SYT14: variants seen among roughly 807,000 people sequenced by gnomAD.
The protein encoded by SYT14 is synaptotagmin 14.
In SYT14, 32 loss-of-function variants were observed where a neutral mutation model predicts 74.2. That is an observed-to-expected ratio of 0.43 (90% CI 0.33 to 0.58). The LOEUF is 0.58. Ranked by LOEUF, SYT14 falls within the 20% of genes least tolerant of loss-of-function variation. The probability of loss-of-function intolerance (pLI) is 0.05; values close to 1 mark genes in which losing one functional copy is unlikely to be tolerated. For missense variants in SYT14, 791 were observed against 981.8 expected, an observed-to-expected ratio of 0.81 and a Z score of 2.60; for synonymous variants, 298 against 337.7, an observed-to-expected ratio of 0.88 and a Z score of 1.29.
intron 7 of SYT14, among the ~76,000 whole-genome samples, chr1:210,101,605 A>G (rs1265509768): frequency 6.6e-6 from 1 of 151,708 alleles, no homozygotes. Context: ...ATCCTTTTAA[A>G]TTTTCAGAAT....
intron 8 of SYT14, among the ~76,000 whole-genome samples, chr1:210,158,060 C>T (rs1404332533): frequency 6.6e-6 from 1 of 152,136 alleles, no homozygotes; most frequent in Admixed American, 6.5e-5. Context: ...ATGTCTCTCA[C>T]AGGGCAAGTG....
intron 5 of SYT14, among the ~76,000 whole-genome samples, chr1:210,025,466 A>G (rs1284697576): frequency 2.6e-5 from 4 of 152,230 alleles, no homozygotes; most frequent in Admixed American, 2.6e-4. Context: ...ACAAGGTAGA[A>G]GGAAAAATAT....
At chr1:210,027,277 T>C (rs991140491) in intron 5 of SYT14, among the ~76,000 whole-genome samples, 4 of 152,102 alleles carry the variant, frequency 2.6e-5, no homozygotes. Context: ...TAGCCGAGCC[T>C]AGTGGCCCAT....
At chr1:210,090,331 A>G (rs969995799) in intron 5 of SYT14, among the ~76,000 whole-genome samples, 1 of 152,004 alleles carries the variant, frequency 6.6e-6, no homozygotes, top group Admixed American at 6.6e-5. Context: ...TTAATTGCTC[A>G]GCATATAATC....
intron 5 of SYT14, among the ~76,000 whole-genome samples, chr1:210,044,755 A>G (rs919714063): frequency 6.6e-6 from 1 of 152,218 alleles, no homozygotes; most frequent in Non-Finnish European, 1.5e-5. Context: ...AAGAAGTTCA[A>G]TTGGCTTACA....
chr1:210,023,453 C>T (rs1414629600), intron 5 of SYT14, among the ~76,000 whole-genome samples: 2 of 152,184 alleles, frequency 1.3e-5, no homozygotes, highest in Non-Finnish European at 2.9e-5. Flanking sequence ...AAGAGATTCT[C>T]CTGCCTCAGC....
At chr1:210,069,901 A>G (rs2081362869) in intron 5 of SYT14, among the ~76,000 whole-genome samples, 2 of 151,490 alleles carry the variant, frequency 1.3e-5, no homozygotes, top group African/African-American at 4.9e-5. Flanking sequence ...TCTGCATTTG[A>G]TGGCATCTCT....
intron 2 of SYT14, among the ~76,000 whole-genome samples, chr1:209,954,885 T>C (rs2078967501): frequency 1.3e-5 from 2 of 152,244 alleles, no homozygotes; most frequent in African/African-American, 4.8e-5. Context: ...TTTCTATTTT[T>C]AGTAGAGATA....
At chr1:210,052,692 A>AAGCAC (rs1043625134) in intron 5 of SYT14, among the ~76,000 whole-genome samples, 1 of 149,766 alleles carries the variant, frequency 6.7e-6, no homozygotes, top group African/African-American at 2.4e-5. Context: ...AAAGCTCTCC[A>AAGCAC]AGCACAGAAA....
chr1:210,140,116 A>G (rs992565593), intron 7 of SYT14, among the ~76,000 whole-genome samples: 2 of 152,156 alleles, frequency 1.3e-5, no homozygotes, highest in Non-Finnish European at 2.9e-5. Flanking sequence ...ATTCTCTTCA[A>G]CACTTGTTAT....
intron 7 of SYT14, among the ~76,000 whole-genome samples, chr1:210,147,249 C>CATTAAAAATACAGTCA (rs1306011320): frequency 1.3e-4 from 19 of 151,532 alleles, no homozygotes; most frequent in African/African-American, 4.6e-4. Flanking sequence ...ATGAAAAAGT[C>CATTAAAAATACAGTCA]ATTAAAAATA....
chr1:210,110,390 C>T (rs1322107983), intron 7 of SYT14, among the ~76,000 whole-genome samples: 1 of 152,128 alleles, frequency 6.6e-6, no homozygotes, highest in African/African-American at 2.4e-5. Flanking sequence ...ATGATACAAA[C>T]TTTAAAGGAA....
rs139569449 is a variant in SYT14 at position 209,999,657 on chromosome 1, G to C, written c.-485-13976G>C. On this transcript the variant is annotated intron_variant, in intron 2 of 9. Transcript: ENST00000637265. ...AAATGAAATAAGCCAGACACACACAGAAAGACATTGTATGCTCTCACTCAT... is the reference window on the plus strand; with the variant it reads ...AAATGAAATAAGCCAGACACACACACAAAGACATTGTATGCTCTCACTCAT... Among the ~76,000 whole-genome samples the C allele has an allele frequency of 8.9e-3, 1,350 of 152,230 alleles. 15 individuals carry two copies. Among genetic ancestry groups the C allele is most frequent in the African/African-American group, 0.031 (1,276 of 41,538 alleles).
intron 1 of SYT14, among the ~76,000 whole-genome samples, chr1:209,948,041 A>G (rs951601876): frequency 6.6e-6 from 1 of 152,236 alleles, no homozygotes; most frequent in African/African-American, 2.4e-5. Flanking sequence ...TGCACACTTA[A>G]TAGACTACAG....
chr1:210,059,830 A>G (rs75031494), intron 5 of SYT14, among the ~76,000 whole-genome samples: 119 of 152,242 alleles, frequency 7.8e-4, no homozygotes, highest in African/African-American at 2.8e-3. Flanking sequence ...AATTTGCAAG[A>G]CATGTTTATA....
intron 7 of SYT14, among the ~76,000 whole-genome samples, chr1:210,113,171 C>T (rs2451692): frequency 6.6e-6 from 1 of 151,184 alleles, no homozygotes; most frequent in Non-Finnish European, 1.5e-5. Context: ...CCCTGCACTT[C>T]GGCTGTGTGT....
chr1:210,103,021 TA>T (rs1368601377), intron 7 of SYT14, among the ~76,000 whole-genome samples: 1 of 152,166 alleles, frequency 6.6e-6, no homozygotes, highest in Non-Finnish European at 1.5e-5. Context: ...TTGTCATTTT[TA>T]TTGTAACTTT....
chr1:209,995,039 A>T (rs1370634545), intron 2 of SYT14, among the ~76,000 whole-genome samples: 1 of 152,226 alleles, frequency 6.6e-6, no homozygotes, highest in Non-Finnish European at 1.5e-5. Context: ...CCACAAAAAC[A>T]CACTTAAGTA....
intron 2 of SYT14, among the ~76,000 whole-genome samples, chr1:209,996,212 C>G (rs1174331194): frequency 6.6e-6 from 1 of 151,966 alleles, no homozygotes; most frequent in African/African-American, 2.4e-5. Context: ...AAAAATTAAA[C>G]AAGACTCATA....
Sources: gnomAD v4.1 joint callset for allele counts (sites outside exome capture counted in the v4.1 genomes callset) on GRCh38, gnomAD v4.1.1 for gene constraint, MANE v1.5 for transcripts, NCBI Gene and HGNC (gene_info 2026-07-23, HGNC 2026-07-21) for gene names.